MITF: variants seen among roughly 807,000 people sequenced by gnomAD.
MITF encodes microphthalmia-associated transcription factor.
In MITF, 17 loss-of-function variants were observed where a neutral mutation model predicts 60.5. That is an observed-to-expected ratio of 0.28 (90% CI 0.19 to 0.42). MITF has a LOEUF of 0.42. MITF is among the 10% of genes least tolerant of loss of function. MITF has a pLI of 1.00. For synonymous variants in MITF, 260 were observed against 248.5 expected, an observed-to-expected ratio of 1.05 and a Z score of -0.43; for missense variants, 622 against 683.5, an observed-to-expected ratio of 0.91 and a Z score of 1.00.
chr3:69,911,801 A>G (rs767905541), intron 2 of MITF, among the ~76,000 whole-genome samples: 2 of 152,320 alleles, frequency 1.3e-5, no homozygotes, highest in East Asian at 3.9e-4. Flanking sequence ...GGAAATCAGA[A>G]CCTTCATACA....
chr3:69,820,173 T>C (rs1667360656), intron 1 of MITF, among the ~76,000 whole-genome samples: 1 of 152,222 alleles, frequency 6.6e-6, no homozygotes, highest in Non-Finnish European at 1.5e-5. Flanking sequence ...TTGAATTATG[T>C]TTTGGGTAAA....
At position 69,739,526 on chromosome 3, in the gene MITF, C is replaced by T; in HGVS notation, c.-72C>T. 1.4e-6 allele frequency: 2 copies of T among 1,386,378 alleles called. No homozygotes were observed. Among genetic ancestry groups the T allele is most frequent in the Non-Finnish European group, 2.0e-6 (2 of 997,442 alleles). 85.9% of individuals were successfully genotyped at this position (1,386,378 alleles called of 1,614,324 possible). A position where few individuals can be genotyped will look rare whatever the true frequency, so the allele number is the denominator to read the frequency against. On this transcript the variant is annotated 5_prime_UTR_variant, in exon 1 of 10. Coordinates refer to ENST00000352241, the MANE Select transcript of MITF (RefSeq NM_001354604.2). ...GGGCGCACGGCTCGGGGGACCCAGG[C>T]CCAGCTACCTTCCCTCCGCCCCCGG... is the stretch of plus-strand genomic sequence containing the variant.
intron 1 of MITF, among the ~76,000 whole-genome samples, chr3:69,847,785 T>C (rs2063757050): frequency 6.6e-6 from 1 of 152,250 alleles, no homozygotes; most frequent in African/African-American, 2.4e-5. Context: ...GACTTTGCCA[T>C]GTTTCATTTC....
chr3:69,806,174 T>A (rs1355926941), intron 1 of MITF, among the ~76,000 whole-genome samples: 1 of 151,572 alleles, frequency 6.6e-6, no homozygotes, highest in East Asian at 2.0e-4. Flanking sequence ...AACTTCTGCC[T>A]CCCGGGTTCA....
At chr3:69,873,520 G>A (rs2064284302) in intron 1 of MITF, among the ~76,000 whole-genome samples, 1 of 152,076 alleles carries the variant, frequency 6.6e-6, no homozygotes, top group Non-Finnish European at 1.5e-5. Flanking sequence ...AAGCAGTTGT[G>A]CTGTACCCAT....
chr3:69,903,504 A>G (rs753199258), intron 2 of MITF, among the ~76,000 whole-genome samples: 1 of 152,154 alleles, frequency 6.6e-6, no homozygotes, highest in Non-Finnish European at 1.5e-5. Context: ...CATTGAGCCT[A>G]GATCCAGTTT....
intron 1 of MITF, among the ~76,000 whole-genome samples, chr3:69,821,879 A>G (rs2063280969): frequency 1.3e-5 from 2 of 152,032 alleles, no homozygotes; most frequent in African/African-American, 2.4e-5. Flanking sequence ...AGTAGCTGGG[A>G]TTACAGGCAC....
chr3:69,856,939 T>G (rs1426311133), intron 1 of MITF, among the ~76,000 whole-genome samples: 2 of 152,154 alleles, frequency 1.3e-5, no homozygotes, highest in Admixed American at 1.3e-4. Flanking sequence ...TTGTGTGTGT[T>G]TTTTGTTCTG....
At chr3:69,876,371 C>G (rs939264861) in intron 1 of MITF, among the ~76,000 whole-genome samples, 1 of 152,088 alleles carries the variant, frequency 6.6e-6, no homozygotes, top group African/African-American at 2.4e-5. Flanking sequence ...AATAGTAAGG[C>G]CGCTTATTTA....
At position 69,946,960 on chromosome 3, in the gene MITF, C is replaced by G. The variant is rs150452658; in HGVS notation, c.763-2091C>G. ...CTCGCTGTCTATGGCAGAAAGCATTCTCTCTCTCAGTCATGTACATATCTC... is the reference window on the plus strand; with the variant it reads ...CTCGCTGTCTATGGCAGAAAGCATTGTCTCTCTCAGTCATGTACATATCTC... On this transcript the variant is annotated intron_variant, in intron 5 of 9. Coordinates refer to ENST00000352241, the MANE Select transcript of MITF (RefSeq NM_001354604.2). 2.2e-3 allele frequency among the ~76,000 whole-genome samples: 339 copies of G among 152,156 alleles called. 2 individuals carry two copies. Among genetic ancestry groups the G allele is most frequent in the African/African-American group, 7.9e-3 (328 of 41,526 alleles).
At chr3:69,951,093 C>CTTTT (rs527693480) in intron 6 of MITF, among the ~76,000 whole-genome samples, 13 of 108,912 alleles carry the variant, frequency 1.2e-4, no homozygotes, top group Admixed American at 3.0e-4. Flanking sequence ...AATTTGGCAG[C>CTTTT]TTTTTTTTTT....
At chr3:69,845,456 T>C (rs1254041930) in intron 1 of MITF, among the ~76,000 whole-genome samples, 2 of 148,926 alleles carry the variant, frequency 1.3e-5, no homozygotes, top group East Asian at 3.9e-4. Context: ...TTTTTTTTTT[T>C]GCTATTTCCT....
chr3:69,959,607 C>A (rs2066490559), intron 9 of MITF, among the ~76,000 whole-genome samples, 187 bp downstream of exon 9: 2 of 152,158 alleles, frequency 1.3e-5, no homozygotes, highest in Non-Finnish European at 2.9e-5. Context: ...TGTGGCACTT[C>A]CACAGTCATT....
intron 1 of MITF, among the ~76,000 whole-genome samples, chr3:69,820,514 A>G (rs1005102139): frequency 3.9e-5 from 6 of 152,146 alleles, no homozygotes; most frequent in Admixed American, 3.9e-4. Context: ...TAAGAGCTTT[A>G]CAGAGCTTAA....
chr3:69,798,233 T>C (rs1357027855), intron 1 of MITF, among the ~76,000 whole-genome samples: 1 of 152,230 alleles, frequency 6.6e-6, no homozygotes, highest in Non-Finnish European at 1.5e-5. Context: ...TAGTAGCTGA[T>C]GTTCTTATTA....
Position 69,944,824 on chromosome 3 carries a change from T to A in MITF, c.762+3493T>A, listed in dbSNP as rs187355907. 2.0e-5 allele frequency among the ~76,000 whole-genome samples: 3 copies of A among 152,294 alleles called. No homozygotes were observed. In the East Asian group the frequency reaches 5.8e-4, roughly 29 times the overall value. ...CTCACTAAAAGTAAGTTACTAGCTCTTATTCTTGATGAACTTGGGTTTTAG... is the reference window on the plus strand; with the variant it reads ...CTCACTAAAAGTAAGTTACTAGCTCATATTCTTGATGAACTTGGGTTTTAG... On this transcript the variant is annotated intron_variant, in intron 5 of 9. Transcript: ENST00000352241.
chr3:69,925,409 G>A (rs150158889), intron 2 of MITF, among the ~76,000 whole-genome samples: 16 of 152,198 alleles, frequency 1.1e-4, no homozygotes, highest in African/African-American at 3.4e-4. Flanking sequence ...TTATAGCTGT[G>A]TGCACCATTT....
chr3:69,822,134 C>T (rs945089064), intron 1 of MITF, among the ~76,000 whole-genome samples: 2 of 152,196 alleles, frequency 1.3e-5, no homozygotes, highest in African/African-American at 4.8e-5. Flanking sequence ...CAAAGGTCTA[C>T]AAACTATAAA....
At chr3:69,889,082 C>T (rs945540930) in intron 2 of MITF, among the ~76,000 whole-genome samples, 2 of 111,216 alleles carry the variant, frequency 1.8e-5, no homozygotes, top group South Asian at 6.5e-4. Flanking sequence ...ATATTTATGG[C>T]AGCCAGGCTA....
Sources: gnomAD v4.1 joint callset for allele counts (sites outside exome capture counted in the v4.1 genomes callset) on GRCh38, gnomAD v4.1.1 for gene constraint, MANE v1.5 for transcripts, NCBI Gene and HGNC (gene_info 2026-07-23, HGNC 2026-07-21) for gene names.